ABI3BP: variants seen among roughly 807,000 people sequenced by gnomAD.
ABI3BP encodes the protein target of Nesh-SH3.
ABI3BP carries 216 observed loss-of-function variants against 268.6 expected under a neutral mutation model. The observed-to-expected ratio is 0.80, with a 90% CI of 0.72 to 0.90. ABI3BP has a LOEUF of 0.90. Ranked by LOEUF, ABI3BP falls within the 40% of genes least tolerant of loss-of-function variation. The pLI is 0.00. For missense variants in ABI3BP, 2,090 were observed against 2,182.4 expected (o/e 0.96, Z 0.84); for synonymous variants, 730 against 730.0 (o/e 1.00, Z 0.00).
chr3:100,909,811 C>T (rs1222760893), intron 2 of ABI3BP, among the ~76,000 whole-genome samples: 3 of 152,168 alleles, frequency 2.0e-5, no homozygotes. Context: ...CACTTTTACA[C>T]TGTTGGTGGG....
intron 1 of ABI3BP, among the ~76,000 whole-genome samples, chr3:100,988,838 T>A (rs1159876911): frequency 6.6e-6 from 1 of 152,246 alleles, no homozygotes; most frequent in Non-Finnish European, 1.5e-5. Context: ...AGCAGGGAAC[T>A]AATATTGCAT....
chr3:100,934,925 G>GCCCA (rs2065375841), intron 1 of ABI3BP, among the ~76,000 whole-genome samples: 2 of 152,138 alleles, frequency 1.3e-5, no homozygotes, highest in African/African-American at 4.8e-5. Flanking sequence ...CATTCTGTAG[G>GCCCA]TTGCCTGTTC....
chr3:100,873,687 A>T (rs1290332182), intron 9 of ABI3BP, among the ~76,000 whole-genome samples: 1 of 152,194 alleles, frequency 6.6e-6, no homozygotes, highest in Non-Finnish European at 1.5e-5. Context: ...CCTCTCTCTC[A>T]GCCAAAAAAG....
At chr3:100,871,985 T>C (rs1008576817) in intron 9 of ABI3BP, among the ~76,000 whole-genome samples, 1 of 152,150 alleles carries the variant, frequency 6.6e-6, no homozygotes, top group African/African-American at 2.4e-5. Flanking sequence ...TACAGGCATG[T>C]ACCATCATGC....
intron 38 of ABI3BP, among the ~76,000 whole-genome samples, chr3:100,821,785 T>C (rs552309395): frequency 6.6e-6 from 1 of 151,970 alleles, no homozygotes; most frequent in African/African-American, 2.4e-5. Flanking sequence ...GTATTTTTAG[T>C]AGAGACAGGG....
chr3:100,754,549 CA>C, intron 64 of ABI3BP, 62 bp downstream of exon 64: 2 of 1,466,456 alleles, frequency 1.4e-6, no homozygotes, highest in Non-Finnish European at 1.9e-6. Flanking sequence ...ACTTCCTACG[CA>C]AAACATTGCT....
chr3:100,802,266 A>G (rs2097554981), intron 51 of ABI3BP, among the ~76,000 whole-genome samples: 1 of 152,198 alleles, frequency 6.6e-6, no homozygotes. Flanking sequence ...TAGCTTGCTG[A>G]AATCTAGATT....
At position 100,910,149 on chromosome 3, in the gene ABI3BP, T is replaced by A. The variant is rs553221530; in HGVS notation, c.260-7463A>T. ...CTGGAAACCATCATTCTCAACAAAC[T>A]AACACAGGAACAGAAAACCAAACGC... On this transcript the variant is annotated intron_variant, in intron 2 of 67. Coordinates refer to ENST00000471714, the MANE Select transcript of ABI3BP (RefSeq NM_001375547.2). Among the ~76,000 whole-genome samples the A allele has an allele frequency of 4.6e-3, 696 of 152,140 alleles. 5 individuals are homozygous for A. Among genetic ancestry groups the A allele is most frequent in the Middle Eastern group, 0.034 (10 of 294 alleles).
intron 1 of ABI3BP, among the ~76,000 whole-genome samples, chr3:100,949,332 T>A (rs1479882172): frequency 6.6e-6 from 1 of 152,206 alleles, no homozygotes; most frequent in African/African-American, 2.4e-5. Flanking sequence ...CTTGGCTCAC[T>A]GCAGCTTCTG....
At chr3:100,754,125 AGCT>A (rs552311466) in intron 64 of ABI3BP, among the ~76,000 whole-genome samples, 49 of 152,364 alleles carry the variant, frequency 3.2e-4, no homozygotes, top group Admixed American at 5.2e-4. Context: ...GAATTTCAAA[AGCT>A]GCTGCTTTTA....
At chr3:100,951,607 ACTTCT>A (rs1316696424) in intron 1 of ABI3BP, among the ~76,000 whole-genome samples, 1 of 151,918 alleles carries the variant, frequency 6.6e-6, no homozygotes, top group African/African-American at 2.4e-5. Flanking sequence ...AAACCAGTTT[ACTTCT>A]CTACCATCTA....
chr3:100,906,733 T>C, intron 2 of ABI3BP, among the ~76,000 whole-genome samples: 1 of 152,350 alleles, frequency 6.6e-6, no homozygotes, highest in Non-Finnish European at 1.5e-5. Flanking sequence ...ACAGGGACAG[T>C]TTACTGCTTA....
At chr3:100,925,396 G>T (rs2061503923) in intron 2 of ABI3BP, among the ~76,000 whole-genome samples, 2 of 149,746 alleles carry the variant, frequency 1.3e-5, no homozygotes, top group Non-Finnish European at 3.0e-5. Flanking sequence ...CAACAATAGA[G>T]GATCCTTTAA....
intron 53 of ABI3BP, 49 bp downstream of exon 53, chr3:100,795,755 T>C: frequency 8.0e-7 from 1 of 1,243,690 alleles, no homozygotes; most frequent in South Asian, 1.3e-5. Flanking sequence ...GCCTGCAATC[T>C]TGATGGTAGC....
At chr3:100,821,011 T>G in intron 39 of ABI3BP, 43 bp downstream of exon 39, 222 of 1,483,120 alleles carry the variant, frequency 1.5e-4, no homozygotes, top group Non-Finnish European at 1.8e-4. Flanking sequence ...GGTTTGACGA[T>G]GAGAAGGAAG....
Position 100,749,950 on chromosome 3 carries a change from T to G in ABI3BP, c.*545A>C, listed in dbSNP as rs2095230626. 2 of 385,622 alleles carry G rather than the reference T, an allele frequency of 5.2e-6. No individual in the cohort carries two copies. Among genetic ancestry groups the G allele is most frequent in the Non-Finnish European group, 9.2e-6 (2 of 218,242 alleles). The allele number at this position is 385,622 out of a possible 1,614,324, so 23.9% of individuals were successfully genotyped here. On this transcript the variant is annotated 3_prime_UTR_variant, in exon 68 of 68. Transcript: ENST00000471714. ...ACTATTAAACTCCTCCGCAAAGCTA[T>G]TCAGCTGTTGCTAAAAAATTGAAGT...
At position 100,886,278 on chromosome 3, in the gene ABI3BP, C is replaced by T; in HGVS notation, c.507G>A (p.Trp169Ter). The change falls in exon 5 of 68, where the codon TGG becomes TGA. Residue 169 changes from tryptophan to a stop codon, truncating the protein, a stop_gained. Coordinates refer to ENST00000471714, the MANE Select transcript of ABI3BP (RefSeq NM_001375547.2). LOFTEE classifies it high-confidence loss of function. ...RYREKDKEKK[W>*]IFQICPATET... ...CAGTGGCTGGACAGATTTGAAAAAT[C>T]CACTTCTTTTCTTTATCCTTTTCTC... 2 of 1,608,512 alleles carry T rather than the reference C, an allele frequency of 1.2e-6. No individual in the cohort carries two copies. The highest frequency in any genetic ancestry group is 2.2e-5 in the East Asian group (1 of 44,586).
intron 1 of ABI3BP, among the ~76,000 whole-genome samples, chr3:100,956,471 C>T (rs1055344142): frequency 5.3e-5 from 8 of 152,164 alleles, no homozygotes; most frequent in African/African-American, 1.9e-4. Context: ...CCCTCCAACT[C>T]TGTTCTTCCT....
intron 2 of ABI3BP, among the ~76,000 whole-genome samples, chr3:100,905,066 G>C (rs2052634403): frequency 6.6e-6 from 1 of 152,162 alleles, no homozygotes; most frequent in African/African-American, 2.4e-5. Context: ...ATACACCATG[G>C]AATACTATGC....
Sources: gnomAD v4.1 joint callset for allele counts (sites outside exome capture counted in the v4.1 genomes callset) on GRCh38, gnomAD v4.1.1 for gene constraint, MANE v1.5 for transcripts, NCBI Gene and HGNC (gene_info 2026-07-23, HGNC 2026-07-21) for gene names.